GALNT13: variants seen among roughly 807,000 people sequenced by gnomAD.
GALNT13 encodes UDP-GalNAc:polypeptide N-acetylgalactosaminyltransferase 13.
Under a neutral mutation model 64.2 loss-of-function variants are expected in GALNT13, and 28 were observed. The observed-to-expected ratio is 0.44, with a 90% CI of 0.32 to 0.60. The LOEUF is 0.60. GALNT13 is among the 20% of genes least tolerant of loss of function. The pLI is 0.05. For missense variants in GALNT13, 577 were observed against 669.8 expected (o/e 0.86, Z 1.53); for synonymous variants, 214 against 224.6 (o/e 0.95, Z 0.42).
rs141996532 is a variant in GALNT13 at position 153,873,473 on chromosome 2, G to T, written c.-177+1170G>T. 1.7e-3 allele frequency among the ~76,000 whole-genome samples: 265 copies of T among 152,322 alleles called. 5 individuals carry two copies. In the East Asian group the frequency reaches 0.038, roughly 22 times the overall value. On this transcript the variant is annotated intron_variant, in intron 1 of 12. Coordinates refer to ENST00000392825, the MANE Select transcript of GALNT13 (RefSeq NM_052917.4). Reference sequence around the variant, plus strand: ...GCCTCCCCAACCTTTATAGCCAGCTGCAGAAGAACGGACAGTGAGCAGGCA... The same window carrying T: ...GCCTCCCCAACCTTTATAGCCAGCTTCAGAAGAACGGACAGTGAGCAGGCA...
chr2:154,385,845 A>G (rs748154228), intron 9 of GALNT13, among the ~76,000 whole-genome samples: 3 of 152,024 alleles, frequency 2.0e-5, no homozygotes, highest in Admixed American at 1.3e-4. Flanking sequence ...GGGATACCTC[A>G]TCAATTATAA....
the GALNT13 span, among the ~76,000 whole-genome samples, chr2:153,731,924 A>G: frequency 6.6e-6 from 1 of 151,978 alleles, no homozygotes; most frequent in Non-Finnish European, 1.5e-5. Context: ...CTACTGTGGT[A>G]TGTAGCACAA....
At chr2:153,477,396 A>C in the GALNT13 span, 1 of 152,612 alleles carries the variant, frequency 6.6e-6, no homozygotes, top group African/African-American at 2.4e-5. Context: ...ACAAAAAGTC[A>C]AAACGGTGTC....
intron 4 of GALNT13, among the ~76,000 whole-genome samples, chr2:154,240,021 A>G (rs555152354): frequency 1.2e-4 from 18 of 152,196 alleles, no homozygotes. Context: ...AGTTTATATT[A>G]TGGTACTAAT....
chr2:153,360,991 T>G, the GALNT13 span, among the ~76,000 whole-genome samples: 1 of 152,226 alleles, frequency 6.6e-6, no homozygotes, highest in Middle Eastern at 3.4e-3. Flanking sequence ...TTGGTGCCCC[T>G]CAAGGTCAGA....
intron 3 of GALNT13, among the ~76,000 whole-genome samples, chr2:153,966,519 A>C (rs533700692): frequency 7.2e-5 from 11 of 151,746 alleles, no homozygotes; most frequent in East Asian, 2.0e-4. Context: ...GCGCCCGCCA[A>C]AACGCCTGGC....
At chr2:153,608,921 T>TTG in the GALNT13 span, among the ~76,000 whole-genome samples, 2 of 147,036 alleles carry the variant, frequency 1.4e-5, no homozygotes, top group Admixed American at 6.8e-5. Context: ...TTACTTCTTT[T>TTG]TTTTTTTTTT....
At chr2:153,527,716 A>C in the GALNT13 span, among the ~76,000 whole-genome samples, 1 of 152,104 alleles carries the variant, frequency 6.6e-6, no homozygotes, top group African/African-American at 2.4e-5. Context: ...AACTACAACA[A>C]ATTTTCCAGA....
At chr2:154,139,389 G>A (rs1034819297) in intron 3 of GALNT13, among the ~76,000 whole-genome samples, 5 of 151,340 alleles carry the variant, frequency 3.3e-5, no homozygotes, top group African/African-American at 9.7e-5. Flanking sequence ...GCCTAAATAT[G>A]TGCCTTTTAA....
chr2:154,246,191 A>C (rs1466195247), intron 7 of GALNT13, among the ~76,000 whole-genome samples: 1 of 152,110 alleles, frequency 6.6e-6, no homozygotes, highest in Non-Finnish European at 1.5e-5. Context: ...ATTGGCAAAA[A>C]TGCTAAATAT....
At chr2:153,457,873 C>T in the GALNT13 span, among the ~76,000 whole-genome samples, 3 of 152,272 alleles carry the variant, frequency 2.0e-5, no homozygotes, top group Non-Finnish European at 4.4e-5. Flanking sequence ...TGGTCATGTT[C>T]AGAACAAACC....
At chr2:154,130,050 G>A (rs73965389) in intron 3 of GALNT13, among the ~76,000 whole-genome samples, 3,614 of 152,018 alleles carry the variant, frequency 0.024, 65 homozygotes, top group Middle Eastern at 0.051. Context: ...GCATCAGTAG[G>A]GTTATAAAGA....
the GALNT13 span, among the ~76,000 whole-genome samples, chr2:153,675,624 A>G: frequency 0.02 from 3,098 of 152,186 alleles, 101 homozygotes; most frequent in African/African-American, 0.07. Flanking sequence ...GCAAACCAAC[A>G]TGGCACATGT....
intron 3 of GALNT13, among the ~76,000 whole-genome samples, chr2:154,008,819 T>A (rs1696432283): frequency 6.6e-6 from 1 of 152,194 alleles, no homozygotes; most frequent in Non-Finnish European, 1.5e-5. Context: ...TCTATATACC[T>A]CATTTTATTT....
rs77600792 is a variant in GALNT13, at chr2:154,225,957, A to G, written c.312-16073A>G. On this transcript the variant is annotated intron_variant, in intron 4 of 12. Transcript: ENST00000392825. Reference sequence around the variant, plus strand: ...GGGATCTTATGATCTGTAGTTAAACAATGTAGGTCAAATATTTTCTTGATG... The same window carrying G: ...GGGATCTTATGATCTGTAGTTAAACGATGTAGGTCAAATATTTTCTTGATG... Among the ~76,000 whole-genome samples, 930 of 152,186 alleles carry G rather than the reference A, an allele frequency of 6.1e-3. 8 individuals carry two copies. Among genetic ancestry groups the G allele is most frequent in the African/African-American group, 0.02 (842 of 41,538 alleles).
chr2:153,317,880 T>G, the GALNT13 span, among the ~76,000 whole-genome samples: 1 of 152,178 alleles, frequency 6.6e-6, no homozygotes, highest in Non-Finnish European at 1.5e-5. Context: ...GAGAGAATTT[T>G]TTTTTTCACC....
chr2:153,602,482 G>A, the GALNT13 span, among the ~76,000 whole-genome samples: 16 of 137,130 alleles, frequency 1.2e-4, no homozygotes, highest in Admixed American at 2.1e-4. Context: ...CTGGGAAGGG[G>A]TGATTTGAGA....
the GALNT13 span, among the ~76,000 whole-genome samples, chr2:153,476,938 G>C: frequency 4.6e-5 from 7 of 152,122 alleles, no homozygotes; most frequent in Admixed American, 6.5e-5. Context: ...GGTTAGGGTA[G>C]AGACGCCCTC....
At chr2:154,386,853 C>G (rs1698537353) in intron 9 of GALNT13, among the ~76,000 whole-genome samples, 1 of 152,068 alleles carries the variant, frequency 6.6e-6, no homozygotes, top group African/African-American at 2.4e-5. Flanking sequence ...TCACACTGAT[C>G]TGAAGTTTGA....
Sources: allele counts gnomAD v4.1 joint callset (sites outside exome capture counted in the v4.1 genomes callset), GRCh38; gene constraint gnomAD v4.1.1; transcripts MANE v1.5; gene names NCBI Gene and HGNC (gene_info 2026-07-23, HGNC 2026-07-21).